DEFB118: variants seen among roughly 807,000 people sequenced by gnomAD.
The protein encoded by DEFB118 is defensin beta 118, also known as defensin, beta 18.
Under a neutral mutation model 2.8 loss-of-function variants are expected in DEFB118, and 3 were observed. The ratio of observed to expected loss-of-function variants is 1.09; its 90% confidence interval spans 0.50 to 2.82. The LOEUF is 2.82. Ranked by LOEUF, DEFB118 falls within the 30% of genes most tolerant of loss-of-function variation. The pLI is 0.04. For missense variants in DEFB118, 159 were observed against 144.6 expected (o/e 1.10, Z -0.51); for synonymous variants, 63 against 53.5 (o/e 1.18, Z -0.78).
rs1245969890 is a variant in DEFB118 at position 31,373,582 on chromosome 20, C to T, written c.*412C>T. On this transcript the variant is annotated 3_prime_UTR_variant, in exon 2 of 2. Coordinates refer to ENST00000253381, the MANE Select transcript of DEFB118 (RefSeq NM_054112.3). ...AGAGTAGCTACTATGACACTAAAAG[C>T]TTTTTTTCTAGAACAGGAGACACTT... 2 of 174,150 alleles carry T rather than the reference C, an allele frequency of 1.1e-5. No individual in the cohort carries two copies. The highest frequency in any genetic ancestry group is 4.8e-5 in the African/African-American group (2 of 41,916). 10.8% of individuals were successfully genotyped at this position (174,150 alleles called of 1,614,324 possible).
At chr20:31,369,344 G>A (rs1416007265) in intron 1 of DEFB118, among the ~76,000 whole-genome samples, 2 of 149,650 alleles carry the variant, frequency 1.3e-5, no homozygotes, top group East Asian at 1.9e-4. Context: ...GTTTTATAAC[G>A]AAGTAAGCAC....
At chr20:31,370,666 A>T (rs1986197117) in intron 1 of DEFB118, among the ~76,000 whole-genome samples, 4 of 152,246 alleles carry the variant, frequency 2.6e-5, no homozygotes, top group Admixed American at 6.5e-5. Context: ...CACCGAAAAT[A>T]CACAAGGGTT....
At chr20:31,371,118 A>G (rs148088847) in intron 1 of DEFB118, among the ~76,000 whole-genome samples, 104 of 152,228 alleles carry the variant, frequency 6.8e-4, no homozygotes, top group African/African-American at 2.4e-3. Flanking sequence ...AACTCCCATT[A>G]TATTTTCTCC....
At position 31,373,129 on chromosome 20, in the gene DEFB118, G is replaced by A; in HGVS notation, c.331G>A (p.Gly111Arg). 2 of 1,613,960 alleles carry A rather than the reference G, an allele frequency of 1.2e-6. No homozygotes were observed. The highest frequency in any genetic ancestry group is 1.7e-6 in the Non-Finnish European group (2 of 1,180,002). ...GGTTGAAGAGTCTGAGGCGGGAAGG[G>A]GAACTGAGACCTCTCTTCCAAATGT... ...DMVEESEAGR[G>R]TETSLPNVHH... The change falls in exon 2 of 2, where the codon GGA becomes AGA. Residue 111 changes from glycine (G) to arginine (R), a missense_variant. Transcript: ENST00000253381.
Position 31,373,209 on chromosome 20 carries a change from A to G in DEFB118, c.*39A>G. ...ATCACTCACCCCTGTCCTCAGAGTG[A>G]TAAACTAAGTCACATACAGATAAAG... On this transcript the variant is annotated 3_prime_UTR_variant, in exon 2 of 2. Transcript: ENST00000253381. The G allele has an allele frequency of 6.3e-7, 1 of 1,579,962 alleles. No homozygotes were observed. The highest frequency in any genetic ancestry group is 8.6e-7 in the Non-Finnish European group (1 of 1,158,892).
At chr20:31,369,861 A>C (rs1986184086) in intron 1 of DEFB118, among the ~76,000 whole-genome samples, 1 of 152,212 alleles carries the variant, frequency 6.6e-6, no homozygotes, top group Non-Finnish European at 1.5e-5. Context: ...ACATCAATGA[A>C]TATGCTTGTA....
At chr20:31,370,535 G>C (rs1034995779) in intron 1 of DEFB118, among the ~76,000 whole-genome samples, 1 of 152,162 alleles carries the variant, frequency 6.6e-6, no homozygotes, top group Non-Finnish European at 1.5e-5. Context: ...TTGGAGCAAA[G>C]AGTTAAGATA....
In DEFB118 at chr20:31,373,465, C is replaced by A; in HGVS notation, c.*295C>A. On this transcript the variant is annotated 3_prime_UTR_variant, in exon 2 of 2. Coordinates refer to ENST00000253381, the MANE Select transcript of DEFB118 (RefSeq NM_054112.3). ...ATAGCTTAGTTAGCTATTCCAACAACAATTTCTTCATGTATCGTTCTGTCT... is the reference window on the plus strand; with the variant it reads ...ATAGCTTAGTTAGCTATTCCAACAAAAATTTCTTCATGTATCGTTCTGTCT... 1.3e-5 allele frequency: 5 copies of A among 377,084 alleles called. No individual in the cohort carries two copies. In the South Asian group the frequency reaches 2.1e-4, roughly 16 times the overall value. 23.4% of individuals were successfully genotyped at this position (377,084 alleles called of 1,614,324 possible).
At position 31,373,915 on chromosome 20, in the gene DEFB118, A is replaced by G. The variant is rs2122275143; in HGVS notation, c.*745A>G. The G allele has an allele frequency of 6.6e-6, 1 of 152,128 alleles. No homozygotes were observed. Among genetic ancestry groups the G allele is most frequent in the East Asian group, 1.9e-4 (1 of 5,182 alleles). 9.4% of individuals were successfully genotyped at this position (152,128 alleles called of 1,614,324 possible). ...CCTCTGATAGCAAAAAAAAAAAAAA[A>G]AAAAAAAATCTTCACATCCTATCCC... On this transcript the variant is annotated 3_prime_UTR_variant, in exon 2 of 2. Coordinates refer to ENST00000253381, the MANE Select transcript of DEFB118 (RefSeq NM_054112.3).
At chr20:31,371,966 T>G (rs1159366243) in intron 1 of DEFB118, among the ~76,000 whole-genome samples, 2 of 152,218 alleles carry the variant, frequency 1.3e-5, no homozygotes, top group Non-Finnish European at 2.9e-5. Flanking sequence ...CCTGAGTTAC[T>G]TCACTTAAAA....
At position 31,368,682 on chromosome 20, in the gene DEFB118, T is replaced by G; in HGVS notation, c.32T>G (p.Leu11Arg). The stretch of plus-strand genomic sequence containing the variant: ...CTCCTGCTGCTGGCTCTTCCTATGC[T>G]TGTGCTCCTACCCCAAGTGATCCCA... MKLLLLALPM[L>R]VLLPQVIPAY... Residue 11 changes from leucine to arginine, a missense_variant, in exon 1 of 2, where the codon CTT (leucine) becomes CGT (arginine). Transcript: ENST00000253381. The G allele has an allele frequency of 6.2e-7, 1 of 1,613,802 alleles. No homozygotes were observed.
At chr20:31,370,647 C>A (rs986106480) in intron 1 of DEFB118, among the ~76,000 whole-genome samples, 2 of 152,188 alleles carry the variant, frequency 1.3e-5, no homozygotes, top group Admixed American at 1.3e-4. Context: ...AGATATCTCC[C>A]TACCCTCTCA....
chr20:31,369,864 T>C (rs777820053), intron 1 of DEFB118, among the ~76,000 whole-genome samples: 10 of 152,212 alleles, frequency 6.6e-5, no homozygotes, highest in Non-Finnish European at 1.2e-4. Context: ...TCAATGAATA[T>C]GCTTGTACAA....
At position 31,373,121 on chromosome 20, in the gene DEFB118, C is replaced by A. The variant is rs751502437; in HGVS notation, c.323C>A (p.Ala108Glu). 4 of 1,614,004 alleles carry A rather than the reference C, an allele frequency of 2.5e-6. No homozygotes were observed. Among genetic ancestry groups the A allele is most frequent in the Non-Finnish European group, 3.4e-6 (4 of 1,180,008 alleles). Residue 108 changes from alanine (A) to glutamate (E), a missense_variant, in exon 2 of 2, where the codon GCG becomes GAG. Physicochemically the swap from Ala to Glu is moderately radical, Grantham distance 107 (BLOSUM62 -1). Coordinates refer to ENST00000253381, the MANE Select transcript of DEFB118 (RefSeq NM_054112.3). ...SKKDMVEESEAGRGTETSLPN... is the reference protein window; with the variant it reads ...SKKDMVEESEEGRGTETSLPN... ...AAAGATATGGTTGAAGAGTCTGAGGCGGGAAGGGGAACTGAGACCTCTCTT... is the reference window on the plus strand; with the variant it reads ...AAAGATATGGTTGAAGAGTCTGAGGAGGGAAGGGGAACTGAGACCTCTCTT...
intron 1 of DEFB118, among the ~76,000 whole-genome samples, chr20:31,372,323 G>T (rs1986223174): frequency 6.6e-6 from 1 of 152,160 alleles, no homozygotes; most frequent in African/African-American, 2.4e-5. Context: ...AGGCCGAAGT[G>T]GGTGGATCAT....
chr20:31,373,293 A>G lies in DEFB118; in HGVS notation c.*123A>G. On this transcript the variant is annotated 3_prime_UTR_variant, in exon 2 of 2. Transcript: ENST00000253381. ...CACCAATATGTAATTCTATTAATAG[A>G]AACAGCTGTGTAAAGAAGTCTAAAA... is the stretch of plus-strand genomic sequence containing the variant. 1.2e-6 allele frequency: 1 copy of G among 858,670 alleles called. No homozygotes were observed. The highest frequency in any genetic ancestry group is 1.8e-6 in the Non-Finnish European group (1 of 569,360). The allele number at this position is 858,670 out of a possible 1,614,324, so 53.2% of individuals were successfully genotyped here.
intron 1 of DEFB118, among the ~76,000 whole-genome samples, chr20:31,372,610 A>G (rs1310788154): frequency 1.3e-5 from 2 of 152,150 alleles, no homozygotes; most frequent in Non-Finnish European, 2.9e-5. Context: ...TAGCTTCATT[A>G]TAAGTGGCCC....
chr20:31,372,130 C>T (rs1056666188), intron 1 of DEFB118, among the ~76,000 whole-genome samples: 6 of 152,036 alleles, frequency 3.9e-5, no homozygotes, highest in Admixed American at 6.6e-5. Context: ...TTTGCAGTTG[C>T]GAATTGTGCT....
chr20:31,372,184 G>C (rs1308595055), intron 1 of DEFB118, among the ~76,000 whole-genome samples: 1 of 152,150 alleles, frequency 6.6e-6, no homozygotes, highest in East Asian at 1.9e-4. Flanking sequence ...ATACTCATGT[G>C]AATGTATACT....
Sources: gnomAD v4.1 joint callset for allele counts (sites outside exome capture counted in the v4.1 genomes callset) on GRCh38, gnomAD v4.1.1 for gene constraint, MANE v1.5 for transcripts, NCBI Gene and HGNC (gene_info 2026-07-23, HGNC 2026-07-21) for gene names.